Variants in PDCD10 observed in about 807,000 individuals in gnomAD.
PDCD10 encodes the protein programmed cell death 10.
In PDCD10, 4 loss-of-function variants were observed where a neutral mutation model predicts 29.2. The observed-to-expected ratio is 0.14, with a 90% CI of 0.07 to 0.31. PDCD10 has a LOEUF of 0.31. PDCD10 is among the 10% of genes least tolerant of loss of function. The probability of loss-of-function intolerance (pLI) is 1.00; values close to 1 mark genes in which losing one functional copy is unlikely to be tolerated. For missense variants in PDCD10, 183 were observed against 257.9 expected (o/e 0.71, Z 1.99); for synonymous variants, 70 against 82.2 (o/e 0.85, Z 0.80).
At chr3:167,696,299 G>C (rs1480746073) in intron 5 of PDCD10, among the ~76,000 whole-genome samples, 4 of 152,232 alleles carry the variant, frequency 2.6e-5, no homozygotes, top group African/African-American at 2.4e-5. Context: ...TTTTGGAAAG[G>C]AGACTTCACT....
intron 6 of PDCD10, among the ~76,000 whole-genome samples, chr3:167,689,758 G>C (rs927715411): frequency 6.6e-6 from 1 of 152,166 alleles, no homozygotes; most frequent in Non-Finnish European, 1.5e-5. Flanking sequence ...TATTGGAACA[G>C]AGCTCTCTGT....
At chr3:167,721,245 A>G (rs1723528321) in intron 2 of PDCD10, among the ~76,000 whole-genome samples, 2 of 152,154 alleles carry the variant, frequency 1.3e-5, no homozygotes, top group African/African-American at 4.8e-5. Flanking sequence ...TTGCTTTAAA[A>G]AACTGCAATT....
At chr3:167,723,327 G>A (rs1265103098) in intron 2 of PDCD10, among the ~76,000 whole-genome samples, 1 of 152,176 alleles carries the variant, frequency 6.6e-6, no homozygotes, top group Non-Finnish European at 1.5e-5. Context: ...TGAGGTCTGA[G>A]GCCCCCTTTG....
intron 5 of PDCD10, 92 bp from the exon 6 acceptor site, chr3:167,695,814 G>A: frequency 5.3e-6 from 7 of 1,314,704 alleles, no homozygotes. Context: ...AAAGGCAGGT[G>A]AGGGAGGTGA....
At chr3:167,727,606 G>A (rs1724335698) in intron 2 of PDCD10, among the ~76,000 whole-genome samples, 2 of 152,052 alleles carry the variant, frequency 1.3e-5, no homozygotes, top group African/African-American at 2.4e-5. Flanking sequence ...TCTCCAATAC[G>A]ATGTTAATTA....
At chr3:167,710,817 C>T (rs977227482) in intron 3 of PDCD10, among the ~76,000 whole-genome samples, 27 of 152,186 alleles carry the variant, frequency 1.8e-4, no homozygotes, top group African/African-American at 5.5e-4. Flanking sequence ...AGGGGTGTCA[C>T]CCCTCCCCCA....
At chr3:167,722,418 T>G (rs9813276) in intron 2 of PDCD10, among the ~76,000 whole-genome samples, 41,851 of 151,994 alleles carry the variant, frequency 0.28, 6,407 homozygotes, top group African/African-American at 0.41. Context: ...CAGGCTGCTA[T>G]ATCGCTACAG....
At chr3:167,685,348 C>T (rs919637835) in intron 8 of PDCD10, among the ~76,000 whole-genome samples, 5 of 139,828 alleles carry the variant, frequency 3.6e-5, no homozygotes, top group African/African-American at 1.4e-4. Context: ...AGCTGGAGGT[C>T]GCAGTGAGCC....
intron 3 of PDCD10, among the ~76,000 whole-genome samples, chr3:167,709,461 C>A: frequency 6.6e-6 from 1 of 152,056 alleles, no homozygotes; most frequent in East Asian, 1.9e-4. Context: ...AGACTTTGTA[C>A]TAAACTTAGT....
chr3:167,701,908 C>T (rs550806163), intron 4 of PDCD10, among the ~76,000 whole-genome samples: 11 of 151,962 alleles, frequency 7.2e-5, no homozygotes, highest in African/African-American at 2.2e-4. Flanking sequence ...TTAAAAAAAA[C>T]GTAGAGGATG....
chr3:167,687,923 A>G (rs1407559600), intron 6 of PDCD10, among the ~76,000 whole-genome samples: 2 of 152,150 alleles, frequency 1.3e-5, no homozygotes, highest in Non-Finnish European at 2.9e-5. Flanking sequence ...TGCACTGCTG[A>G]CCAAAGGTTG....
chr3:167,716,760 T>G (rs1723068852), intron 3 of PDCD10, among the ~76,000 whole-genome samples: 1 of 152,036 alleles, frequency 6.6e-6, no homozygotes, highest in Non-Finnish European at 1.5e-5. Flanking sequence ...AGCATACTTT[T>G]GTGTAATTTA....
intron 3 of PDCD10, among the ~76,000 whole-genome samples, chr3:167,708,913 C>T (rs1345237739): frequency 6.6e-6 from 1 of 152,166 alleles, no homozygotes; most frequent in Non-Finnish European, 1.5e-5. Context: ...CATCAACTTA[C>T]TTATTTCACA....
chr3:167,734,876 C>G lies in PDCD10; in HGVS notation c.-468G>C, dbSNP rs557168190. On this transcript the variant is annotated 5_prime_UTR_variant, in exon 1 of 9. Transcript: ENST00000392750. ...CAACTCCCGGATCAATTCACTCCGGCGACGCCGGAAGGACCCAAGAGGAAC... is the reference window on the plus strand; with the variant it reads ...CAACTCCCGGATCAATTCACTCCGGGGACGCCGGAAGGACCCAAGAGGAAC... 5 of 153,424 alleles carry G rather than the reference C, an allele frequency of 3.3e-5. No individual in the cohort carries two copies. The East Asian group carries it at 9.6e-4, about 30-fold the overall frequency. The allele number at this position is 153,424 out of a possible 1,614,324, so 9.5% of individuals were successfully genotyped here. A position where few individuals can be genotyped will look rare whatever the true frequency, so the allele number is the denominator to read the frequency against.
At chr3:167,702,847 T>C (rs934665886) in intron 4 of PDCD10, among the ~76,000 whole-genome samples, 2 of 152,288 alleles carry the variant, frequency 1.3e-5, no homozygotes, top group African/African-American at 4.8e-5. Flanking sequence ...ACAAACTAAA[T>C]GTGATAATTA....
intron 2 of PDCD10, among the ~76,000 whole-genome samples, chr3:167,726,173 T>C (rs935413292): frequency 6.2e-5 from 8 of 128,630 alleles, no homozygotes; most frequent in Non-Finnish European, 1.1e-4. Context: ...CAGGCTGGGG[T>C]GCAGTGGCGT....
chr3:167,703,232 A>T (rs1403068621), intron 4 of PDCD10, among the ~76,000 whole-genome samples: 15 of 152,078 alleles, frequency 9.9e-5, no homozygotes, highest in Non-Finnish European at 2.9e-5. Flanking sequence ...ATGACCAAAT[A>T]TGCCATTCCA....
chr3:167,710,680 G>A (rs1722440584), intron 3 of PDCD10, among the ~76,000 whole-genome samples: 1 of 152,232 alleles, frequency 6.6e-6, no homozygotes, highest in Non-Finnish European at 1.5e-5. Context: ...CCTGCTGATT[G>A]TAGAACCACA....
rs1245043634 is a variant in PDCD10, at chr3:167,697,060, C to T, written c.217G>A (p.Glu73Lys). ...IMKILEKKSV[E>K]VNFTESLLRM... ...AGAAGGGACTCCGTGAAGTTAACTT[C>T]CACGCTTTTTTTCTCTAAAATTTTC... Residue 73 changes from glutamate to lysine, a missense_variant, in exon 5 of 9, where the codon GAA becomes AAA. Physicochemically the swap from Glu to Lys is moderately conservative, Grantham distance 56. Coordinates refer to ENST00000392750, the MANE Select transcript of PDCD10 (RefSeq NM_007217.4). The T allele has an allele frequency of 7.4e-6, 12 of 1,610,848 alleles. No individual in the cohort carries two copies. The highest frequency in any genetic ancestry group is 1.3e-5 in the African/African-American group (1 of 74,986).
Sources: gnomAD v4.1 joint callset for allele counts (sites outside exome capture counted in the v4.1 genomes callset) on GRCh38, gnomAD v4.1.1 for gene constraint, MANE v1.5 for transcripts, NCBI Gene and HGNC (gene_info 2026-07-23, HGNC 2026-07-21) for gene names.